The following FRMPD4 variants were observed in gnomAD, a reference collection of about 807,000 sequenced individuals.
FRMPD4 encodes the protein FERM and PDZ domain containing 4, also known as FERM and PDZ domain-containing protein 4.
A neutral mutation model predicts 94.1 loss-of-function variants in FRMPD4; 22 were observed. The ratio of observed to expected loss-of-function variants is 0.23; its 90% confidence interval spans 0.17 to 0.33. FRMPD4 has a LOEUF of 0.33. FRMPD4 is among the 10% of genes least tolerant of loss of function. The pLI is 1.00. For synonymous variants in FRMPD4, 631 were observed against 548.6 expected, an observed-to-expected ratio of 1.15 and a Z score of -2.10; for missense variants, 1,111 against 1,339.9, an observed-to-expected ratio of 0.83 and a Z score of 2.67.
intron 1 of FRMPD4, among the ~76,000 whole-genome samples, chrX:12,409,183 C>T (rs1301979933): frequency 8.9e-6 from 1 of 111,808 alleles, no homozygotes; most frequent in Non-Finnish European, 1.9e-5. Context: ...TGGTGGATTT[C>T]AATACAGCAC....
intron 1 of FRMPD4, among the ~76,000 whole-genome samples, chrX:12,399,246 A>T (rs902281917): frequency 8.9e-6 from 1 of 111,875 alleles, no homozygotes; most frequent in African/African-American, 3.2e-5. Context: ...TCCCTGGGGT[A>T]TACTTAGTAC....
At chrX:11,828,551 T>A (rs1170355967) in intron 1 of FRMPD4, among the ~76,000 whole-genome samples, 1 of 111,118 alleles carries the variant, frequency 9.0e-6, no homozygotes, top group Admixed American at 9.6e-5. Context: ...TGTGAGTGAG[T>A]GAGAGAGTGG....
chrX:12,190,837 G>A (rs2056483312), intron 1 of FRMPD4, among the ~76,000 whole-genome samples: 1 of 110,853 alleles, frequency 9.0e-6, no homozygotes, highest in African/African-American at 3.3e-5. Flanking sequence ...CATGACCTCA[G>A]GTGTAGTGAA....
chrX:12,682,245 A>G (rs192174577), intron 5 of FRMPD4, among the ~76,000 whole-genome samples: 5 of 112,425 alleles, frequency 4.4e-5, no homozygotes, highest in Non-Finnish European at 9.4e-5. Flanking sequence ...GTATACTTGT[A>G]TTTGACAAGG....
rs571735812 is a variant in FRMPD4, at chrX:12,317,516, A to T, written c.41+178504A>T. 2.6e-4 allele frequency among the ~76,000 whole-genome samples: 28 copies of T among 106,348 alleles called. 1 individual carries two copies. In the South Asian group the frequency reaches 0.01, roughly 39 times the overall value. The allele number at this position is 106,348 out of a possible 115,157, so 92.4% of individuals were successfully genotyped here. A position where few individuals can be genotyped will look rare whatever the true frequency, so the allele number is the denominator to read the frequency against. On this transcript the variant is annotated intron_variant, in intron 1 of 16. Transcript: ENST00000675598. The stretch of plus-strand genomic sequence containing the variant: ...GACAGCCCACGGAATGGGAGAAAAT[A>T]TTTGCAAATTATTCATCCAGCAAGG...
chrX:12,576,963 A>T (rs1161640558), intron 2 of FRMPD4, among the ~76,000 whole-genome samples: 5 of 111,905 alleles, frequency 4.5e-5, no homozygotes, highest in African/African-American at 1.3e-4. Context: ...CCTGAATTCC[A>T]TGATAGTTGT....
chrX:12,167,486 A>G (rs2056140978), intron 1 of FRMPD4, among the ~76,000 whole-genome samples: 1 of 111,462 alleles, frequency 9.0e-6, no homozygotes, highest in Non-Finnish European at 1.9e-5. Flanking sequence ...GGCTCCAGTA[A>G]TCTAGTTTTC....
At chrX:12,599,174 G>GTA (rs2059061229) in intron 2 of FRMPD4, among the ~76,000 whole-genome samples, 1 of 111,074 alleles carries the variant, frequency 9.0e-6, no homozygotes, top group South Asian at 3.8e-4. Flanking sequence ...CTCAACTACT[G>GTA]CCCTAAAATA....
intron 1 of FRMPD4, among the ~76,000 whole-genome samples, chrX:12,295,277 G>A (rs941014992): frequency 1.8e-5 from 2 of 112,004 alleles, no homozygotes; most frequent in Non-Finnish European, 3.8e-5. Flanking sequence ...AGAATAAGGG[G>A]TGTTAGTAAT....
chrX:11,941,517 T>C (rs5935194), intron 3 of FRMPD4, among the ~76,000 whole-genome samples: 39,302 of 110,815 alleles, frequency 0.35, 5,505 homozygotes, highest in East Asian at 0.82. Context: ...GTAGGTGCTT[T>C]GTACACATCA....
intron 2 of FRMPD4, among the ~76,000 whole-genome samples, chrX:12,517,788 T>C (rs1420330250): frequency 8.9e-6 from 1 of 112,593 alleles, no homozygotes; most frequent in Non-Finnish European, 1.9e-5. Context: ...CCGGGATTCC[T>C]CCGAGCCAGC....
chrX:11,849,488 G>A (rs1162255531), intron 1 of FRMPD4, among the ~76,000 whole-genome samples: 1 of 111,160 alleles, frequency 9.0e-6, no homozygotes, highest in African/African-American at 3.3e-5. Context: ...GAAAAAAGTT[G>A]GGGGCCTCAT....
At chrX:12,029,792 C>A in intron 3 of FRMPD4, among the ~76,000 whole-genome samples, 2 of 111,639 alleles carry the variant, frequency 1.8e-5, no homozygotes, top group East Asian at 5.6e-4. Context: ...ATTATATCTA[C>A]AAAAATGCCT....
chrX:12,269,896 T>C (rs755102147), intron 1 of FRMPD4, among the ~76,000 whole-genome samples: 1 of 112,364 alleles, frequency 8.9e-6, no homozygotes, highest in South Asian at 3.7e-4. Context: ...CAGGAAGAAA[T>C]AGGTATTTGA....
At chrX:11,958,254 G>A (rs941245966) in intron 3 of FRMPD4, among the ~76,000 whole-genome samples, 2 of 111,685 alleles carry the variant, frequency 1.8e-5, no homozygotes, top group African/African-American at 3.3e-5. Flanking sequence ...TATTCTAGCA[G>A]GTGTTAGGGG....
chrX:12,618,858 T>G (rs1232231561), intron 4 of FRMPD4, among the ~76,000 whole-genome samples: 1 of 111,575 alleles, frequency 9.0e-6, no homozygotes, highest in Admixed American at 9.5e-5. Context: ...CATACAATAT[T>G]AGAATGGTTT....
chrX:12,619,815 T>C (rs754071376), intron 4 of FRMPD4, among the ~76,000 whole-genome samples: 1 of 111,177 alleles, frequency 9.0e-6, no homozygotes, highest in Non-Finnish European at 1.9e-5. Flanking sequence ...TGCTGGGAAA[T>C]AGGCCAGTTC....
intron 1 of FRMPD4, among the ~76,000 whole-genome samples, chrX:12,439,848 G>A (rs184224386): frequency 1.4e-4 from 16 of 111,524 alleles, no homozygotes; most frequent in South Asian, 3.8e-4. Flanking sequence ...GTTGTTAACC[G>A]TTGGAACCTT....
At chrX:12,523,033 G>A (rs999499050) in intron 2 of FRMPD4, among the ~76,000 whole-genome samples, 1 of 112,263 alleles carries the variant, frequency 8.9e-6, no homozygotes, top group Non-Finnish European at 1.9e-5. Flanking sequence ...TAATGCTTTT[G>A]CTGTTTACTT....
Sources: allele counts gnomAD v4.1 joint callset (sites outside exome capture counted in the v4.1 genomes callset), GRCh38; gene constraint gnomAD v4.1.1; transcripts MANE v1.5; gene names NCBI Gene and HGNC (gene_info 2026-07-23, HGNC 2026-07-21).